The following TRIM44 variants were observed in gnomAD, a reference collection of about 807,000 sequenced individuals.
TRIM44 encodes the protein tripartite motif-containing protein 44.
A neutral mutation model predicts 37.4 loss-of-function variants in TRIM44; 13 were observed. The observed-to-expected ratio is 0.35, with a 90% CI of 0.23 to 0.55. TRIM44 has a LOEUF of 0.55. Among genes scored for constraint, TRIM44 ranks in the 20% least tolerant of loss-of-function variants. The pLI, the probability that TRIM44 is intolerant of heterozygous loss-of-function variation, is 0.89. For missense variants in TRIM44, 426 were observed against 437.2 expected (o/e 0.97, Z 0.23); for synonymous variants, 175 against 157.2 (o/e 1.11, Z -0.85).
intron 2 of TRIM44, among the ~76,000 whole-genome samples, chr11:35,711,302 C>A (rs949982493): frequency 2.6e-5 from 4 of 152,038 alleles, no homozygotes; most frequent in Non-Finnish European, 5.9e-5. Context: ...TTTTCTTTTT[C>A]CTTTTCTCTT....
At chr11:35,772,818 T>C (rs1234626020) in intron 4 of TRIM44, among the ~76,000 whole-genome samples, 1 of 152,216 alleles carries the variant, frequency 6.6e-6, no homozygotes, top group Admixed American at 6.5e-5. Context: ...TGTGGACTTC[T>C]GCGTTAATGC....
At chr11:35,682,836 T>C (rs979211604) in intron 1 of TRIM44, among the ~76,000 whole-genome samples, 7 of 152,226 alleles carry the variant, frequency 4.6e-5, no homozygotes. Flanking sequence ...GGCTGTCTGC[T>C]TCTTAGGGAT....
At chr11:35,718,816 T>C (rs1341625725) in intron 2 of TRIM44, among the ~76,000 whole-genome samples, 2 of 152,194 alleles carry the variant, frequency 1.3e-5, no homozygotes, top group Non-Finnish European at 2.9e-5. Context: ...CCAAGCCTTT[T>C]AGATTGGCTT....
chr11:35,798,701 T>C (rs1853326677), intron 4 of TRIM44, among the ~76,000 whole-genome samples: 1 of 152,142 alleles, frequency 6.6e-6, no homozygotes, highest in Non-Finnish European at 1.5e-5. Context: ...CAATATTAGG[T>C]ATGATAAATC....
chr11:35,744,385 A>G (rs1325579468), intron 4 of TRIM44, among the ~76,000 whole-genome samples: 1 of 152,254 alleles, frequency 6.6e-6, no homozygotes, highest in Admixed American at 6.5e-5. Context: ...TCATGGATAT[A>G]TTAACTAGCT....
chr11:35,709,184 C>T (rs140652327), intron 2 of TRIM44, among the ~76,000 whole-genome samples: 1 of 152,138 alleles, frequency 6.6e-6, no homozygotes, highest in Non-Finnish European at 1.5e-5. Context: ...AAATGCACTT[C>T]AGTGCATTGT....
chr11:35,773,926 A>G (rs1200303752), intron 4 of TRIM44, among the ~76,000 whole-genome samples: 1 of 152,236 alleles, frequency 6.6e-6, no homozygotes, highest in Non-Finnish European at 1.5e-5. Context: ...GTGCCACAAT[A>G]AACATATGCG....
rs184529368 is a variant in TRIM44, at chr11:35,704,243, T to A, written c.747+18907T>A. Reference sequence around the variant, plus strand: ...TAAAAAGGAACGAACAAAGCCTCCATGAAATATGGGACTATGTGAAAAGAC... The same window carrying A: ...TAAAAAGGAACGAACAAAGCCTCCAAGAAATATGGGACTATGTGAAAAGAC... On this transcript the variant is annotated intron_variant, in intron 2 of 4. Transcript: ENST00000299413. Among the ~76,000 whole-genome samples the A allele has an allele frequency of 2.6e-3, 394 of 152,220 alleles. 2 individuals carry two copies. The highest frequency in any genetic ancestry group is 3.5e-3 in the Non-Finnish European group (237 of 67,994).
chr11:35,765,609 T>C (rs1375761677), intron 4 of TRIM44, among the ~76,000 whole-genome samples: 1 of 152,186 alleles, frequency 6.6e-6, no homozygotes, highest in African/African-American at 2.4e-5. Flanking sequence ...TTTGTCAGCA[T>C]TGTGCTTTAT....
intron 2 of TRIM44, among the ~76,000 whole-genome samples, chr11:35,692,358 T>C (rs551582422): frequency 1.8e-4 from 28 of 152,328 alleles, no homozygotes; most frequent in African/African-American, 6.3e-4. Flanking sequence ...AAAAACTGGG[T>C]AATATTATGG....
At chr11:35,753,261 T>G (rs531844565) in intron 4 of TRIM44, among the ~76,000 whole-genome samples, 1 of 152,210 alleles carries the variant, frequency 6.6e-6, no homozygotes, top group East Asian at 1.9e-4. Flanking sequence ...TAAGGTGTTA[T>G]AGACATGGAA....
intron 4 of TRIM44, among the ~76,000 whole-genome samples, chr11:35,758,211 A>T (rs1230933702): frequency 1.3e-5 from 2 of 152,196 alleles, no homozygotes; most frequent in African/African-American, 4.8e-5. Flanking sequence ...TATTTAGGAT[A>T]GTTAGCTCTT....
intron 1 of TRIM44, among the ~76,000 whole-genome samples, chr11:35,671,687 G>T (rs1851395219): frequency 6.6e-6 from 1 of 152,036 alleles, no homozygotes; most frequent in Non-Finnish European, 1.5e-5. Context: ...ACAGCAAGAG[G>T]GGATTAGGGA....
chr11:35,790,742 A>C (rs1176991641), intron 4 of TRIM44, among the ~76,000 whole-genome samples: 2 of 152,196 alleles, frequency 1.3e-5, no homozygotes, highest in East Asian at 3.9e-4. Flanking sequence ...CATATAGTTC[A>C]GACCTGTTGA....
chr11:35,806,203 C>T (rs142583778), intron 4 of TRIM44, among the ~76,000 whole-genome samples, 155 bp from the exon 5 acceptor site: 14 of 152,236 alleles, frequency 9.2e-5, no homozygotes, highest in East Asian at 3.9e-4. Flanking sequence ...TTTAGAGAAA[C>T]GAAGTAACTT....
intron 2 of TRIM44, among the ~76,000 whole-genome samples, chr11:35,706,088 C>T (rs370606731): frequency 2.0e-5 from 3 of 148,524 alleles, no homozygotes; most frequent in African/African-American, 4.9e-5. Flanking sequence ...ATATCACCAC[C>T]GATCCCACAG....
At chr11:35,666,422 A>G (rs1396980045) in intron 1 of TRIM44, among the ~76,000 whole-genome samples, 1 of 152,210 alleles carries the variant, frequency 6.6e-6, no homozygotes, top group Non-Finnish European at 1.5e-5. Context: ...GCAGGAGTGT[A>G]TTTGGATATT....
At chr11:35,705,640 A>G (rs1226447620) in intron 2 of TRIM44, among the ~76,000 whole-genome samples, 1 of 149,468 alleles carries the variant, frequency 6.7e-6, no homozygotes, top group Non-Finnish European at 1.5e-5. Context: ...ATGGAAACTG[A>G]ACAACCTGCT....
chr11:35,712,217 A>C (rs1038642369), intron 2 of TRIM44, among the ~76,000 whole-genome samples: 7 of 152,150 alleles, frequency 4.6e-5, no homozygotes, highest in African/African-American at 1.7e-4. Context: ...ATATATTCCC[A>C]ATAGAAAGAA....
Sources: gnomAD v4.1 joint callset for allele counts (sites outside exome capture counted in the v4.1 genomes callset) on GRCh38, gnomAD v4.1.1 for gene constraint, MANE v1.5 for transcripts, NCBI Gene and HGNC (gene_info 2026-07-23, HGNC 2026-07-21) for gene names.